The following SLC1A2 variants were observed in gnomAD, a reference collection of about 807,000 sequenced individuals.
The protein encoded by SLC1A2 is solute carrier family 1 member 2, also known as excitatory amino acid transporter 2.
In SLC1A2, 15 loss-of-function variants were observed where a neutral mutation model predicts 48.8. The observed-to-expected ratio is 0.31, with a 90% CI of 0.21 to 0.47. The LOEUF is 0.47. Ranked by LOEUF, SLC1A2 falls within the 20% of genes least tolerant of loss-of-function variation. The pLI is 0.99. For missense variants in SLC1A2, 502 were observed against 730.5 expected (o/e 0.69, Z 3.61); for synonymous variants, 279 against 272.6 (o/e 1.02, Z -0.23).
intron 1 of SLC1A2, among the ~76,000 whole-genome samples, chr11:35,354,943 A>G (rs1162636005): frequency 6.6e-6 from 1 of 152,192 alleles, no homozygotes; most frequent in East Asian, 1.9e-4. Flanking sequence ...ATTTTCCCAT[A>G]TTTTAAGTTT....
chr11:35,317,946 C>T (rs963377251), intron 1 of SLC1A2, among the ~76,000 whole-genome samples: 4 of 152,210 alleles, frequency 2.6e-5, no homozygotes, highest in Admixed American at 2.6e-4. Flanking sequence ...ACTTGAGTTA[C>T]ATCAACATTA....
At chr11:35,408,647 T>C (rs1434163292) in intron 1 of SLC1A2, among the ~76,000 whole-genome samples, 1 of 152,240 alleles carries the variant, frequency 6.6e-6, no homozygotes, top group Non-Finnish European at 1.5e-5. Flanking sequence ...GCTTTTATTG[T>C]TAATAAAGCC....
At chr11:35,319,509 C>G (rs772183130) in intron 1 of SLC1A2, among the ~76,000 whole-genome samples, 8 of 152,188 alleles carry the variant, frequency 5.3e-5, no homozygotes, top group Non-Finnish European at 7.3e-5. Flanking sequence ...TTGAATCCCT[C>G]CTGCCATTGA....
At chr11:35,292,152 C>G in intron 7 of SLC1A2, 135 bp downstream of exon 7, 1 of 708,158 alleles carries the variant, frequency 1.4e-6, no homozygotes, top group Admixed American at 2.5e-5. Flanking sequence ...AATCATTCGC[C>G]TTTTCCAAAA....
chr11:35,262,801 G>A (rs1591399082), intron 10 of SLC1A2, among the ~76,000 whole-genome samples: 1 of 152,204 alleles, frequency 6.6e-6, no homozygotes, highest in Admixed American at 6.5e-5. Context: ...AACTGAAATA[G>A]TTGATAAACC....
chr11:35,358,552 C>T (rs11033092), intron 1 of SLC1A2, among the ~76,000 whole-genome samples: 2,159 of 152,298 alleles, frequency 0.014, 48 homozygotes, highest in East Asian at 0.098. Flanking sequence ...AGCCCTTGCT[C>T]AAATCCAATT....
chr11:35,279,700 G>A (rs963511568), intron 9 of SLC1A2, among the ~76,000 whole-genome samples: 4 of 152,308 alleles, frequency 2.6e-5, no homozygotes, highest in African/African-American at 9.6e-5. Flanking sequence ...ACCTAGGGTC[G>A]AATATCTGTC....
intron 1 of SLC1A2, chr11:35,399,600 G>C: frequency 1.0e-6 from 1 of 984,516 alleles, no homozygotes; most frequent in Non-Finnish European, 1.2e-6. Context: ...CCTGCAGATA[G>C]ATGATGCGTT....
intron 9 of SLC1A2, among the ~76,000 whole-genome samples, chr11:35,273,747 A>T (rs1850353943): frequency 6.6e-6 from 1 of 152,200 alleles, no homozygotes; most frequent in African/African-American, 2.4e-5. Context: ...TACTTATGGC[A>T]CAGGCTGGGC....
At chr11:35,278,289 T>G (rs1054576987) in intron 9 of SLC1A2, among the ~76,000 whole-genome samples, 1 of 149,970 alleles carries the variant, frequency 6.7e-6, no homozygotes, top group African/African-American at 2.4e-5. Context: ...TTTTTTTTTT[T>G]TTTTAGATGG....
intron 1 of SLC1A2, among the ~76,000 whole-genome samples, chr11:35,366,103 T>G (rs1388944518): frequency 6.6e-6 from 1 of 152,236 alleles, no homozygotes; most frequent in Non-Finnish European, 1.5e-5. Context: ...TTACATGTAC[T>G]GTGTCAACTA....
chr11:35,418,943 C>A lies in SLC1A2; in HGVS notation c.17+7G>T. 6.4e-7 allele frequency: 1 copy of A among 1,563,858 alleles called. No homozygotes were observed. The highest frequency in any genetic ancestry group is 2.4e-5 in the East Asian group (1 of 42,038). Reference sequence around the variant, plus strand: ...TTTCCCGCGGGTACAGATAAAAATCCCCTCACCCTTCCGTAGATGCCATGG... The same window carrying A: ...TTTCCCGCGGGTACAGATAAAAATCACCTCACCCTTCCGTAGATGCCATGG... On this transcript the variant is annotated splice_region_variant and intron_variant, in intron 1 of 10. Coordinates refer to ENST00000278379, the MANE Select transcript of SLC1A2 (RefSeq NM_004171.4).
chr11:35,394,253 C>T (rs1854881530), intron 1 of SLC1A2, among the ~76,000 whole-genome samples: 2 of 152,080 alleles, frequency 1.3e-5, no homozygotes. Flanking sequence ...CACGTGCCTT[C>T]AGCCACGTGT....
At chr11:35,289,912 T>C (rs988142978) in intron 7 of SLC1A2, among the ~76,000 whole-genome samples, 7 of 151,966 alleles carry the variant, frequency 4.6e-5, no homozygotes, top group Non-Finnish European at 1.0e-4. Context: ...TGAAAATCAA[T>C]CAGGAAGGGA....
intron 6 of SLC1A2, 43 bp downstream of exon 6, chr11:35,301,476 C>A (rs1289520204): frequency 6.2e-7 from 1 of 1,604,746 alleles, no homozygotes. Context: ...GACCCCAAGG[C>A]TTTCTCAACC....
At chr11:35,319,945 A>G (rs1852004161) in intron 1 of SLC1A2, among the ~76,000 whole-genome samples, 1 of 152,224 alleles carries the variant, frequency 6.6e-6, no homozygotes, top group African/African-American at 2.4e-5. Context: ...TTTTAAGGTA[A>G]TTCAGGGACT....
chr11:35,351,770 G>A (rs112885180), intron 1 of SLC1A2, among the ~76,000 whole-genome samples: 6 of 152,034 alleles, frequency 3.9e-5, no homozygotes, highest in African/African-American at 1.4e-4. Flanking sequence ...TGAGTAGCTG[G>A]GACTACAGGT....
upstream of SLC1A2, among the ~76,000 whole-genome samples, chr11:35,420,293 GAC>G (rs1855752756): frequency 6.6e-6 from 1 of 152,032 alleles, no homozygotes; most frequent in South Asian, 2.1e-4. Context: ...GGCGCACAGA[GAC>G]AGATGGGCTT....
intron 8 of SLC1A2, chr11:35,285,619 A>G (rs1011666699): frequency 6.6e-5 from 10 of 152,252 alleles, no homozygotes; most frequent in Non-Finnish European, 1.5e-4. Flanking sequence ...TGAGTCCAAG[A>G]TTGACAAACT....
Sources: gnomAD v4.1 joint callset for allele counts (sites outside exome capture counted in the v4.1 genomes callset) on GRCh38, gnomAD v4.1.1 for gene constraint, MANE v1.5 for transcripts, NCBI Gene and HGNC (gene_info 2026-07-23, HGNC 2026-07-21) for gene names.